Variants in HMCN2 observed in about 807,000 individuals in gnomAD.
HMCN2 encodes hemicentin 2, also known as hemicentin-2.
In HMCN2, 325 loss-of-function variants were observed where a neutral mutation model predicts 377.5. The observed-to-expected ratio is 0.86, with a 90% CI of 0.79 to 0.94. The LOEUF (loss-of-function observed/expected upper bound fraction) is 0.94, where lower values mean the gene tolerates loss of function less well. HMCN2 is among the 40% of genes least tolerant of loss of function. HMCN2 has a pLI of 0.00. For synonymous variants in HMCN2, 2,007 were observed against 2,046.8 expected, an observed-to-expected ratio of 0.98 and a Z score of 0.53; for missense variants, 4,543 against 4,725.3, an observed-to-expected ratio of 0.96 and a Z score of 1.13.
At chr9:130,410,239 T>C (rs767064749) in intron 84 of HMCN2, among the ~76,000 whole-genome samples, 1 of 152,176 alleles carries the variant, frequency 6.6e-6, no homozygotes, top group Non-Finnish European at 1.5e-5. Flanking sequence ...TCTCAAATAA[T>C]GTGCCATGGG....
At chr9:130,319,175 T>G (rs950964435) in intron 15 of HMCN2, among the ~76,000 whole-genome samples, 2 of 152,216 alleles carry the variant, frequency 1.3e-5, no homozygotes, top group Admixed American at 1.3e-4. Context: ...AAACACTCCT[T>G]AGAGCCCCTT....
intron 66 of HMCN2, among the ~76,000 whole-genome samples, chr9:130,392,880 C>T (rs1038958988): frequency 5.3e-5 from 8 of 151,914 alleles, no homozygotes; most frequent in African/African-American, 1.9e-4. Flanking sequence ...CCTGTAGTCC[C>T]AGCTACTCGG....
Position 130,433,413 on chromosome 9 carries a change from T to C in HMCN2, c.14960T>C (p.Leu4987Pro), listed in dbSNP as rs1424228378. 10 of 1,493,044 alleles carry C rather than the reference T, an allele frequency of 6.7e-6. No homozygotes were observed. Among genetic ancestry groups the C allele is most frequent in the Non-Finnish European group, 7.1e-6 (8 of 1,129,616 alleles). The allele number at this position is 1,493,044 out of a possible 1,614,324, so 92.5% of individuals were successfully genotyped here. A position where few individuals can be genotyped will look rare whatever the true frequency, so the allele number is the denominator to read the frequency against. The change falls in exon 98 of 98, where the codon CTG (leucine) becomes CCG (proline). Residue 4987 changes from leucine (L) to proline (P), a missense_variant. Physicochemically the swap from Leu to Pro is moderately conservative, Grantham distance 98. Around this residue, in one of 5 missense-constraint regions of HMCN2, gnomAD observed 1,155 missense variants for 1,157.7 expected, o/e 1.00. Transcript: ENST00000683500. The part of the protein sequence containing the change: ...TGGPSTLQYR[L>P]LPLPLGVRAH... ...GGCCCCTCTACGCTGCAGTACCGGC[T>C]GCTGCCGCTGCCCCTGGGCGTGCGC...
Position 130,265,968 on chromosome 9 carries a change from G to A in HMCN2, c.90G>A (p.Met30Ile), listed in dbSNP as rs1834070424. ...TGGCCGGGGCGCCCGGGACGGTAAT[G>A]CCCCCCACCACGGGGGACGCCACCC... ...VAVAGAPGTVMPPTTGDATLA... is the reference protein window; with the variant it reads ...VAVAGAPGTVIPPTTGDATLA... The change falls in exon 1 of 98, where the codon ATG becomes ATA. Residue 30 changes from methionine to isoleucine, a missense_variant. Met to Ile is a conservative substitution (Grantham distance 10). Transcript: ENST00000683500. The A allele has an allele frequency of 4.3e-6, 2 of 466,058 alleles. No homozygotes were observed. The highest frequency in any genetic ancestry group is 8.9e-6 in the Non-Finnish European group (2 of 225,416). 28.9% of individuals were successfully genotyped at this position (466,058 alleles called of 1,614,324 possible).
chr9:130,366,018 G>T (rs1564821058), intron 43 of HMCN2, 23 bp downstream of exon 43: 3 of 985,924 alleles, frequency 3.0e-6, no homozygotes, highest in Non-Finnish European at 2.4e-6. Context: ...CCCTCACCCA[G>T]CCCCACCTCA....
Position 130,404,100 on chromosome 9 carries a change from T to C in HMCN2, c.12148+225T>C, listed in dbSNP as rs189988578. Among the ~76,000 whole-genome samples the C allele has an allele frequency of 7.2e-5, 11 of 152,270 alleles. No individual in the cohort carries two copies. The East Asian group carries it at 1.7e-3, about 24-fold the overall frequency. The stretch of plus-strand genomic sequence containing the variant: ...TGGAACACAAGTCTAGCATCCCTCA[T>C]TCATTCTGGTTTCCAGTAGCTGTAG... On this transcript the variant is annotated intron_variant, in intron 80 of 97. Coordinates refer to ENST00000683500, the MANE Select transcript of HMCN2 (RefSeq NM_001291815.2).
At chr9:130,286,823 C>T (rs1290207356) in intron 4 of HMCN2, among the ~76,000 whole-genome samples, 3 of 152,168 alleles carry the variant, frequency 2.0e-5, no homozygotes, top group Admixed American at 6.5e-5. Context: ...CCGGGATCTG[C>T]GTTCACTCAG....
chr9:130,314,962 C>T (rs1261787614), intron 15 of HMCN2, among the ~76,000 whole-genome samples: 2 of 152,070 alleles, frequency 1.3e-5, no homozygotes, highest in African/African-American at 4.8e-5. Context: ...GCTGGGGGAG[C>T]AGCAGGCGCA....
At chr9:130,415,599 CA>C (rs1366992951) in intron 85 of HMCN2, among the ~76,000 whole-genome samples, 15 of 152,114 alleles carry the variant, frequency 9.9e-5, no homozygotes. Flanking sequence ...ATGCTTGAAA[CA>C]AGTGAAAAAA....
At chr9:130,327,677 G>A (rs1402154866) in intron 22 of HMCN2, among the ~76,000 whole-genome samples, 6 of 152,210 alleles carry the variant, frequency 3.9e-5, no homozygotes, top group African/African-American at 1.4e-4. Context: ...GGAAGCCCAG[G>A]GTGAGACTCC....
rs1028995809 is a variant in HMCN2, at chr9:130,330,394, C to T, written c.3359+2919C>T. Among the ~76,000 whole-genome samples, 216 of 152,328 alleles carry T rather than the reference C, an allele frequency of 1.4e-3. 1 individual carries two copies. Among genetic ancestry groups the T allele is most frequent in the African/African-American group, 4.8e-3 (199 of 41,572 alleles). On this transcript the variant is annotated intron_variant, in intron 22 of 97. Coordinates refer to ENST00000683500, the MANE Select transcript of HMCN2 (RefSeq NM_001291815.2). ...TCCAGGGGTGGCCCTCTCCTGCCAG[C>T]GCCCTGTAGGTGGTTGGGGTGGATG...
chr9:130,430,327 G>C lies in HMCN2; in HGVS notation c.14370G>C (p.Gln4790His). 6.5e-7 allele frequency: 1 copy of C among 1,546,484 alleles called. No individual in the cohort carries two copies. The change falls in exon 95 of 98, where the codon CAG becomes CAC. Residue 4790 changes from glutamine to histidine, a missense_variant. Gln to His is a conservative substitution (Grantham distance 24). This residue lies in a region of HMCN2 where 1,155 missense variants were observed against 1,157.7 expected (regional missense o/e 1.00). Coordinates refer to ENST00000683500, the MANE Select transcript of HMCN2 (RefSeq NM_001291815.2). ...CLQLPKACAY[Q>H]CHNLQGSYRC... is the part of the protein sequence containing the mutation. ...AGCTGCCCAAGGCCTGCGCCTACCA[G>C]TGCCACAACCTCCAGGGCAGCTACC...
intron 43 of HMCN2, 64 bp from the exon 44 acceptor site, chr9:130,368,212 T>C (rs1840800270): frequency 2.1e-6 from 2 of 946,200 alleles, no homozygotes; most frequent in Non-Finnish European, 2.5e-6. Context: ...AAACTTTCCA[T>C]GTGGAAAGAC....
At chr9:130,329,682 G>C (rs934745892) in intron 22 of HMCN2, among the ~76,000 whole-genome samples, 1 of 151,900 alleles carries the variant, frequency 6.6e-6, no homozygotes, top group Admixed American at 6.6e-5. Flanking sequence ...GCCTCAGGTG[G>C]TCCACCCGCC....
At chr9:130,411,440 A>G (rs548242769) in intron 85 of HMCN2, among the ~76,000 whole-genome samples, 3 of 152,114 alleles carry the variant, frequency 2.0e-5, no homozygotes, top group East Asian at 3.9e-4. Flanking sequence ...TGTCTCTACT[A>G]AAAATACAAA....
chr9:130,329,492 G>C (rs1838308835), intron 22 of HMCN2, among the ~76,000 whole-genome samples: 3 of 148,570 alleles, frequency 2.0e-5, no homozygotes, highest in Admixed American at 6.8e-5. Flanking sequence ...TGCCAGGCTG[G>C]AGTGCAGTGG....
rs1376534200 is a variant in HMCN2, at chr9:130,302,849, G to A, written c.1277-8G>A. 4 of 459,488 alleles carry A rather than the reference G, an allele frequency of 8.7e-6. No homozygotes were observed. Among genetic ancestry groups the A allele is most frequent in the Admixed American group, 2.4e-5 (1 of 41,648 alleles). 28.5% of individuals were successfully genotyped at this position (459,488 alleles called of 1,614,324 possible). ...GGAGACATTCTGAGTCCTGGTCCCC[G>A]CCTACAGGCGCTCCCCTCGTCAGCA... On this transcript the variant is annotated splice_polypyrimidine_tract_variant and splice_region_variant and intron_variant, in intron 8 of 97. Coordinates refer to ENST00000683500, the MANE Select transcript of HMCN2 (RefSeq NM_001291815.2).
In HMCN2 at chr9:130,351,851, G is replaced by A. The variant is rs1839740085; in HGVS notation, c.4585+274G>A. Among the ~76,000 whole-genome samples the A allele has an allele frequency of 6.7e-6, 1 of 150,264 alleles. No homozygotes were observed. Among genetic ancestry groups the A allele is most frequent in the Non-Finnish European group, 1.5e-5 (1 of 67,764 alleles). On this transcript the variant is annotated intron_variant, in intron 30 of 97. Coordinates refer to ENST00000683500, the MANE Select transcript of HMCN2 (RefSeq NM_001291815.2). The surrounding 1 kb of genome is among the most constrained non-coding windows in gnomAD (Gnocchi z 5.4). ...TTTTGAGATGAATTCTCTCTCTGTT[G>A]CCTAGGCTGGAGCGCAGTGGCACCA...
Position 130,388,475 on chromosome 9 carries a change from T to TG in HMCN2, c.9459dup (p.Thr3154AspfsTer3). On this transcript the variant is annotated frameshift_variant, in exon 62 of 98. Coordinates refer to ENST00000683500, the MANE Select transcript of HMCN2 (RefSeq NM_001291815.2). LOFTEE classifies it high-confidence loss of function. ...CAGGTGGCTGGGAGCCCCCTGGTCC[T>TG]GACCTGTGATGTGTCCGGGGTCCCT... 1.0e-6 allele frequency: 1 copy of TG among 988,068 alleles called. No individual in the cohort carries two copies. The highest frequency in any genetic ancestry group is 1.2e-6 in the Non-Finnish European group (1 of 830,134). 61.2% of individuals were successfully genotyped at this position (988,068 alleles called of 1,614,324 possible). A position where few individuals can be genotyped will look rare whatever the true frequency, so the allele number is the denominator to read the frequency against.
Sources: gnomAD v4.1 joint callset for allele counts (sites outside exome capture counted in the v4.1 genomes callset) on GRCh38, gnomAD v4.1.1 for gene constraint, gnomAD v4.1.1 regional missense constraint, Gnocchi (gnomAD v3.1) non-coding constraint, MANE v1.5 for transcripts, NCBI Gene and HGNC (gene_info 2026-07-23, HGNC 2026-07-21) for gene names.